The following ANO3 variants were observed in gnomAD, a reference collection of about 807,000 sequenced individuals.
ANO3 encodes the protein anoctamin 3.
ANO3 carries 99 observed loss-of-function variants against 144.8 expected under a neutral mutation model. The observed-to-expected ratio is 0.68, with a 90% confidence interval of 0.58 to 0.81. ANO3 has a LOEUF of 0.81. Ranked by LOEUF, ANO3 falls within the 30% of genes least tolerant of loss-of-function variation. The pLI, the probability that ANO3 is intolerant of heterozygous loss-of-function variation, is 0.00. For missense variants in ANO3, 905 were observed against 1,202.2 expected (o/e 0.75, Z 3.66); for synonymous variants, 414 against 392.6 (o/e 1.05, Z -0.64).
At chr11:26,537,647 C>T (rs151336636) in intron 10 of ANO3, among the ~76,000 whole-genome samples, 186 bp downstream of exon 10, 20 of 152,278 alleles carry the variant, frequency 1.3e-4, no homozygotes, top group African/African-American at 4.6e-4. Flanking sequence ...CAAAGCCTGT[C>T]TTCAATTTGC....
At chr11:26,505,489 A>G (rs899094358) in intron 4 of ANO3, among the ~76,000 whole-genome samples, 1 of 152,232 alleles carries the variant, frequency 6.6e-6, no homozygotes, top group Non-Finnish European at 1.5e-5. Context: ...AGAAGAAATC[A>G]CAAGGAGGGA....
chr11:26,528,057 T>C (rs907700333), intron 7 of ANO3, among the ~76,000 whole-genome samples: 6 of 152,160 alleles, frequency 3.9e-5, no homozygotes, highest in African/African-American at 1.4e-4. Flanking sequence ...TTTTGCATTG[T>C]GCTGTGATAT....
In ANO3 at chr11:26,358,170, C is replaced by CTTTT. The variant is rs34078380; in HGVS notation, c.46+25866_46+25869dup. Among the ~76,000 whole-genome samples, 46 of 119,650 alleles carry CTTTT rather than the reference C, an allele frequency of 3.8e-4. 1 individual carries two copies. The highest frequency in any genetic ancestry group is 5.3e-4 in the South Asian group (2 of 3,756). The allele number at this position is 119,650 out of a possible 152,430, so 78.5% of individuals were successfully genotyped here. On this transcript the variant is annotated intron_variant, in intron 1 of 26. Coordinates refer to ENST00000256737, the MANE Select transcript of ANO3 (RefSeq NM_031418.4). Reference sequence around the variant, plus strand: ...CATGAAGCTTAGAATACAATTTCAACTTTTTTTTTTTTTTTTTTTTGAGAT... The same window carrying CTTTT: ...CATGAAGCTTAGAATACAATTTCAACTTTTTTTTTTTTTTTTTTTTTTTTGAGAT...
intron 4 of ANO3, among the ~76,000 whole-genome samples, chr11:26,477,580 T>C (rs1181413081): frequency 1.3e-5 from 2 of 152,142 alleles, no homozygotes; most frequent in African/African-American, 4.8e-5. Context: ...CTCTTATCTG[T>C]CTCCTTAACT....
intron 3 of ANO3, among the ~76,000 whole-genome samples, chr11:26,449,246 A>G (rs1858823611): frequency 6.6e-6 from 1 of 152,056 alleles, no homozygotes; most frequent in Non-Finnish European, 1.5e-5. Context: ...TCTGTCTCCT[A>G]ATCTTGATGG....
At chr11:26,630,892 T>C (rs1852755796) in intron 18 of ANO3, among the ~76,000 whole-genome samples, 1 of 152,082 alleles carries the variant, frequency 6.6e-6, no homozygotes, top group South Asian at 2.1e-4. Flanking sequence ...AAAAGGCAAA[T>C]TTGTTATTTA....
chr11:26,605,392 T>A (rs1590622851), intron 17 of ANO3, among the ~76,000 whole-genome samples: 1 of 152,114 alleles, frequency 6.6e-6, no homozygotes. Context: ...ATTTTCTTTT[T>A]TTGTTGTATC....
chr11:26,480,034 A>G (rs768839054), intron 4 of ANO3, among the ~76,000 whole-genome samples: 1 of 152,212 alleles, frequency 6.6e-6, no homozygotes, highest in Non-Finnish European at 1.5e-5. Flanking sequence ...TAGATTGTGC[A>G]TGTGCAGGGG....
At chr11:26,527,258 A>G (rs575421996) in intron 7 of ANO3, among the ~76,000 whole-genome samples, 1 of 152,264 alleles carries the variant, frequency 6.6e-6, no homozygotes, top group East Asian at 1.9e-4. Flanking sequence ...AACTAGAAAA[A>G]TGAACACTAT....
intron 1 of ANO3, among the ~76,000 whole-genome samples, chr11:26,402,946 AG>A (rs959683332): frequency 2.9e-5 from 4 of 135,708 alleles, no homozygotes; most frequent in African/African-American, 1.2e-4. Flanking sequence ...TCAATTCGCC[AG>A]CTCACCCATC....
intron 1 of ANO3, among the ~76,000 whole-genome samples, chr11:26,361,141 C>G (rs1182256282): frequency 1.3e-5 from 2 of 152,098 alleles, no homozygotes; most frequent in African/African-American, 4.8e-5. Context: ...GTGCTTAAAG[C>G]CTGGATAATG....
At chr11:26,367,243 C>T (rs1430016514) in intron 1 of ANO3, among the ~76,000 whole-genome samples, 1 of 152,218 alleles carries the variant, frequency 6.6e-6, no homozygotes, top group Admixed American at 6.5e-5. Context: ...TGCAAATTTT[C>T]CAAACTTTTA....
chr11:26,364,665 T>C (rs61877724), intron 1 of ANO3, among the ~76,000 whole-genome samples: 40,583 of 151,832 alleles, frequency 0.27, 6,093 homozygotes, highest in African/African-American at 0.41. Flanking sequence ...TTACAAAAAC[T>C]AGATCTGATG....
intron 14 of ANO3, among the ~76,000 whole-genome samples, chr11:26,583,344 A>G (rs1851184594): frequency 6.6e-6 from 1 of 152,192 alleles, no homozygotes; most frequent in South Asian, 2.1e-4. Context: ...CTTCTTTCTT[A>G]TTTAACGTTT....
chr11:26,594,182 T>G (rs1433472616), intron 14 of ANO3, among the ~76,000 whole-genome samples: 1 of 152,170 alleles, frequency 6.6e-6, no homozygotes, highest in Non-Finnish European at 1.5e-5. Context: ...CCTTAGTCCT[T>G]CTAGCATGCA....
At chr11:26,535,137 G>A (rs1039407629) in intron 9 of ANO3, among the ~76,000 whole-genome samples, 4 of 152,290 alleles carry the variant, frequency 2.6e-5, no homozygotes, top group African/African-American at 9.6e-5. Flanking sequence ...TATGTCTCAT[G>A]TAATTTCATT....
intron 1 of ANO3, chr11:26,287,359 A>G (rs1853832226): frequency 6.6e-6 from 1 of 152,190 alleles, no homozygotes; most frequent in African/African-American, 2.4e-5. Context: ...AGTACCTTAC[A>G]TCTGTTTATT....
At chr11:26,439,998 G>A (rs1483825573) in intron 1 of ANO3, among the ~76,000 whole-genome samples, 1 of 152,086 alleles carries the variant, frequency 6.6e-6, no homozygotes, top group Non-Finnish European at 1.5e-5. Context: ...CACAAAACCT[G>A]ACATGTAATA....
intron 1 of ANO3, among the ~76,000 whole-genome samples, chr11:26,247,719 C>G (rs989105125): frequency 4.3e-5 from 6 of 138,728 alleles, no homozygotes; most frequent in African/African-American, 1.6e-4. Flanking sequence ...AGCTGTAGCT[C>G]CAGTCACTTT....
Sources: gnomAD v4.1 joint callset for allele counts (sites outside exome capture counted in the v4.1 genomes callset) on GRCh38, gnomAD v4.1.1 for gene constraint, MANE v1.5 for transcripts, NCBI Gene and HGNC (gene_info 2026-07-23, HGNC 2026-07-21) for gene names.